The following COL6A5 variants were observed in gnomAD, a reference collection of about 807,000 sequenced individuals.
COL6A5 encodes the protein collagen alpha-5(VI) chain.
In COL6A5, 48 loss-of-function variants were observed where a neutral mutation model predicts 65.6. The ratio of observed to expected loss-of-function variants is 0.73; its 90% CI spans 0.58 to 0.93. The LOEUF (loss-of-function observed/expected upper bound fraction) is 0.93, where lower values mean the gene tolerates loss of function less well. COL6A5 is among the 40% of genes least tolerant of loss of function. The pLI, the probability that COL6A5 is intolerant of heterozygous loss-of-function variation, is 0.00. For missense variants in COL6A5, 914 were observed against 928.3 expected, an observed-to-expected ratio of 0.98 and a Z score of 0.20; for synonymous variants, 291 against 322.8, an observed-to-expected ratio of 0.90 and a Z score of 1.05.
At chr3:130,398,368 G>A (rs1314719515) in intron 10 of COL6A5, among the ~76,000 whole-genome samples, 1 of 152,118 alleles carries the variant, frequency 6.6e-6, no homozygotes, top group Non-Finnish European at 1.5e-5. Flanking sequence ...CTGACCTCGT[G>A]ATTCACCCGA....
At chr3:130,413,778 T>C (rs2107677030) in intron 21 of COL6A5, among the ~76,000 whole-genome samples, 198 bp downstream of exon 21, 1 of 151,624 alleles carries the variant, frequency 6.6e-6, no homozygotes, top group South Asian at 2.1e-4. Flanking sequence ...GCCTCCCTGA[T>C]AGATACCTGG....
Position 130,394,874 on chromosome 3 carries a change from CT to C in COL6A5, c.2993-10del. 6.6e-7 allele frequency: 1 copy of C among 1,524,212 alleles called. No individual in the cohort carries two copies. Among genetic ancestry groups the C allele is most frequent in the Non-Finnish European group, 8.8e-7 (1 of 1,134,822 alleles). 94.4% of individuals were successfully genotyped at this position (1,524,212 alleles called of 1,614,324 possible). A position where few individuals can be genotyped will look rare whatever the true frequency, so the allele number is the denominator to read the frequency against. On this transcript the variant is annotated splice_polypyrimidine_tract_variant and intron_variant and NMD_transcript_variant, in intron 7 of 41. Transcript: ENST00000312481. ...TGATTCATGAGGAAAATAATTTATTCTTTTTTCTATTGCAGTCTGTCATCTT... is the reference window on the plus strand; with the variant it reads ...TGATTCATGAGGAAAATAATTTATTCTTTTTCTATTGCAGTCTGTCATCTT...
At chr3:130,405,754 C>A in intron 14 of COL6A5, 95 bp downstream of exon 14, 1 of 1,063,454 alleles carries the variant, frequency 9.4e-7, no homozygotes, top group Non-Finnish European at 1.4e-6. Flanking sequence ...TCTCTTCCAT[C>A]ACTCCTCTCT....
intron 5 of COL6A5, among the ~76,000 whole-genome samples, chr3:130,460,939 G>A (rs1709689320): frequency 6.6e-6 from 1 of 151,900 alleles, no homozygotes; most frequent in South Asian, 2.1e-4. Context: ...GGTGGTGATG[G>A]CTGTGGTGGT....
intron 17 of COL6A5, among the ~76,000 whole-genome samples, chr3:130,408,195 G>A (rs1247328567): frequency 6.7e-6 from 1 of 149,700 alleles, no homozygotes; most frequent in Non-Finnish European, 1.5e-5. Context: ...CTTTCAGAAA[G>A]TGAATAGGAG....
intron 13 of COL6A5, among the ~76,000 whole-genome samples, chr3:130,404,049 G>A (rs1936905348): frequency 6.6e-6 from 1 of 152,134 alleles, no homozygotes; most frequent in Non-Finnish European, 1.5e-5. Flanking sequence ...TATCTGCCAG[G>A]GAGCTCTTTT....
intron 4 of COL6A5, among the ~76,000 whole-genome samples, chr3:130,449,527 A>C (rs1361178728): frequency 2.6e-5 from 4 of 152,138 alleles, no homozygotes; most frequent in African/African-American, 9.7e-5. Context: ...CAGCCTTTCC[A>C]ACACCTACTA....
exon 24 of COL6A5, chr3:130,416,760 T>G (rs900042580): frequency 6.5e-7 from 1 of 1,528,828 alleles, no homozygotes; most frequent in African/African-American, 1.4e-5. Flanking sequence ...TTTTCAGGGT[T>G]CTCCTGGGCT....
chr3:130,359,531 A>G (rs1461541371), intron 1 of COL6A5, among the ~76,000 whole-genome samples: 1 of 152,184 alleles, frequency 6.6e-6, no homozygotes, highest in East Asian at 1.9e-4. Context: ...AATAAATTAA[A>G]TTTTAAAGTA....
chr3:130,379,096 G>A (rs1239465943), intron 3 of COL6A5, among the ~76,000 whole-genome samples: 1 of 151,904 alleles, frequency 6.6e-6, no homozygotes, highest in Non-Finnish European at 1.5e-5. Flanking sequence ...GGTGGAGGTG[G>A]AAGTGACAGC....
At chr3:130,354,095 G>A (rs796686543) in intron 1 of COL6A5, among the ~76,000 whole-genome samples, 1 of 146,858 alleles carries the variant, frequency 6.8e-6, no homozygotes, top group Non-Finnish European at 1.5e-5. Context: ...AAAAAGAAAA[G>A]AAGAAAGAGA....
chr3:130,444,806 C>G (rs1709269650), intron 4 of COL6A5, among the ~76,000 whole-genome samples: 1 of 152,162 alleles, frequency 6.6e-6, no homozygotes, highest in South Asian at 2.1e-4. Flanking sequence ...GATAAGTGAG[C>G]TTGAGAGGAT....
At chr3:130,479,092 A>G (rs536030928) in intron 7 of COL6A5, among the ~76,000 whole-genome samples, 1 of 152,136 alleles carries the variant, frequency 6.6e-6, no homozygotes, top group African/African-American at 2.4e-5. Context: ...CTAACCCCCA[A>G]GATCATGGTA....
chr3:130,391,427 G>A, exon 7 of COL6A5: 1 of 1,551,664 alleles, frequency 6.4e-7, no homozygotes, highest in Non-Finnish European at 8.7e-7. Flanking sequence ...GGACACTGGA[G>A]GGAACACCTA....
intron 28 of COL6A5, among the ~76,000 whole-genome samples, chr3:130,423,547 T>A (rs1937551317): frequency 6.6e-6 from 1 of 152,102 alleles, no homozygotes; most frequent in South Asian, 2.1e-4. Context: ...TGTACCCTCA[T>A]ATATTTGCTC....
chr3:130,469,548 C>A, intron 6 of COL6A5, 67 bp downstream of exon 38: 1 of 1,256,174 alleles, frequency 8.0e-7, no homozygotes, highest in Non-Finnish European at 1.1e-6. Context: ...AGTCCATCAG[C>A]AGACTTAGTA....
chr3:130,445,689 T>G (rs1380201934), intron 4 of COL6A5, among the ~76,000 whole-genome samples: 2 of 152,124 alleles, frequency 1.3e-5, no homozygotes, highest in Non-Finnish European at 2.9e-5. Context: ...GATAATGCCT[T>G]TATCTTCGCA....
chr3:130,374,104 A>T (rs1201176661), intron 2 of COL6A5, among the ~76,000 whole-genome samples: 1 of 152,184 alleles, frequency 6.6e-6, no homozygotes, highest in Non-Finnish European at 1.5e-5. Context: ...TACAAGCATG[A>T]AATATATATT....
intron 5 of COL6A5, among the ~76,000 whole-genome samples, chr3:130,461,549 G>T (rs1484689962): frequency 1.3e-5 from 2 of 152,000 alleles, no homozygotes; most frequent in South Asian, 2.1e-4. Context: ...GCAGAGGCAG[G>T]ATCCAAAAAC....
Sources: allele counts gnomAD v4.1 joint callset (sites outside exome capture counted in the v4.1 genomes callset), GRCh38; gene constraint gnomAD v4.1.1; transcripts MANE v1.5; gene names NCBI Gene and HGNC (gene_info 2026-07-23, HGNC 2026-07-21).